COL4A6: variants seen among roughly 807,000 people sequenced by gnomAD.
COL4A6 encodes collagen type IV alpha 6 chain, also known as collagen alpha-6(IV) chain.
Under a neutral mutation model 126.7 loss-of-function variants are expected in COL4A6, and 59 were observed. The observed-to-expected ratio is 0.47, with a 90% CI of 0.38 to 0.58. COL4A6 has a LOEUF of 0.58. Ranked by LOEUF, COL4A6 falls within the 20% of genes least tolerant of loss-of-function variation. The pLI, the probability that COL4A6 is intolerant of heterozygous loss-of-function variation, is 0.00. For synonymous variants in COL4A6, 547 were observed against 496.6 expected (o/e 1.10, Z -1.35); for missense variants, 1,285 against 1,337.3 (o/e 0.96, Z 0.61).
At chrX:108,164,440 G>C (rs747345395) in intron 40 of COL4A6, among the ~76,000 whole-genome samples, 160 bp downstream of exon 40, 1 of 111,504 alleles carries the variant, frequency 9.0e-6, no homozygotes, top group South Asian at 3.9e-4. Context: ...GAGGCTGAAG[G>C]ATCCCCAAGG....
Position 108,163,021 on chromosome X carries a change from C to A in COL4A6, c.4087G>T (p.Gly1363Cys). 1 of 1,197,998 alleles carries A rather than the reference C, an allele frequency of 8.3e-7. No individual in the cohort carries two copies. Among genetic ancestry groups the A allele is most frequent in the African/African-American group, 1.8e-5 (1 of 56,871 alleles). ...AGPRGSSGLQ[G>C]DPGQTPTAEA... ...GCAGTTGGTGTTTGTCCAGGATCAC[C>A]TTGGAGGCCAGAAGAGCCTGTGGGC... Residue 1363 changes from glycine to cysteine, a missense_variant, in exon 41 of 45, where the codon GGT becomes TGT. Transcript: ENST00000334504.
intron 3 of COL4A6, among the ~76,000 whole-genome samples, chrX:108,302,720 C>A (rs886996902): frequency 2.7e-5 from 3 of 110,942 alleles, no homozygotes; most frequent in Non-Finnish European, 5.7e-5. Flanking sequence ...GGAGCCCCCA[C>A]TCTTCCCTCA....
rs1185808584 is a variant in COL4A6, at chrX:108,405,208, T to G, written c.63+32734A>C. 4.5e-5 allele frequency among the ~76,000 whole-genome samples: 5 copies of G among 110,359 alleles called. No homozygotes were observed. In the East Asian group the frequency reaches 1.1e-3, roughly 25 times the overall value. On this transcript the variant is annotated intron_variant, in intron 2 of 44. Transcript: ENST00000334504. ...TGTTTTGTTTTTGTTTTTGTTTTTTTTTTTCTTGAAGCGGAGTTCTCCCTC... is the reference window on the plus strand; with the variant it reads ...TGTTTTGTTTTTGTTTTTGTTTTTTGTTTTCTTGAAGCGGAGTTCTCCCTC...
At chrX:108,312,039 C>T (rs1328057161) in intron 2 of COL4A6, among the ~76,000 whole-genome samples, 1 of 112,145 alleles carries the variant, frequency 8.9e-6, no homozygotes, top group Admixed American at 9.4e-5. Context: ...ACCATATCCA[C>T]CTTGGGAAAA....
At chrX:108,407,303 C>T (rs1429118805) in intron 2 of COL4A6, among the ~76,000 whole-genome samples, 3 of 111,973 alleles carry the variant, frequency 2.7e-5, no homozygotes, top group Admixed American at 9.5e-5. Context: ...CCTGGAAGTT[C>T]CAACTGAGGA....
intron 23 of COL4A6, among the ~76,000 whole-genome samples, chrX:108,182,335 G>C (rs1393428053): frequency 3.6e-5 from 4 of 112,300 alleles, no homozygotes; most frequent in Non-Finnish European, 7.5e-5. Flanking sequence ...GTAAGAATGA[G>C]TACTCAGTAG....
intron 2 of COL4A6, among the ~76,000 whole-genome samples, chrX:108,328,373 C>T (rs780454153): frequency 3.4e-5 from 3 of 88,697 alleles, no homozygotes; most frequent in South Asian, 1.1e-3. Context: ...GGGGAAGAGG[C>T]GGTGGAAGGG....
At chrX:108,228,510 C>T (rs776011429) in intron 3 of COL4A6, among the ~76,000 whole-genome samples, 2 of 112,325 alleles carry the variant, frequency 1.8e-5, no homozygotes, top group East Asian at 5.6e-4. Flanking sequence ...AAGGCCATAT[C>T]ACAAAAAGTA....
At chrX:108,260,232 G>A (rs1243052801) in intron 3 of COL4A6, among the ~76,000 whole-genome samples, 1 of 111,178 alleles carries the variant, frequency 9.0e-6, no homozygotes, top group Non-Finnish European at 1.9e-5. Context: ...TCAACTCAAT[G>A]AGTTGCATAA....
chrX:108,319,798 G>A (rs1337377669), intron 2 of COL4A6, among the ~76,000 whole-genome samples: 1 of 112,069 alleles, frequency 8.9e-6, no homozygotes, highest in Non-Finnish European at 1.9e-5. Flanking sequence ...TAGCCAGAGA[G>A]GGACATGGGG....
At chrX:108,158,949 C>T (rs191978907) in intron 44 of COL4A6, among the ~76,000 whole-genome samples, 5 of 112,338 alleles carry the variant, frequency 4.5e-5, no homozygotes, top group East Asian at 2.8e-4. Flanking sequence ...GCCTTCACAC[C>T]GAAATGGAGA....
chrX:108,180,779 C>T, intron 24 of COL4A6, 118 bp downstream of exon 24: 3 of 868,540 alleles, frequency 3.5e-6, no homozygotes, highest in Non-Finnish European at 5.0e-6. Context: ...TCCTCAATCC[C>T]CAAGGCTGCC....
Position 108,190,484 on chromosome X carries a change from T to C in COL4A6, c.1334A>G (p.Glu445Gly). 1 of 1,189,495 alleles carries C rather than the reference T, an allele frequency of 8.4e-7. No individual in the cohort carries two copies. Residue 445 changes from glutamate to glycine, a missense_variant, in exon 20 of 45, where the codon GAG becomes GGG. Glu to Gly is a moderately conservative substitution (Grantham distance 98). Transcript: ENST00000334504. ...GPPGPPSPEF[E>G]TETLHNKESG... Reference sequence around the variant, plus strand: ...CTCTTTGTTGTGTAGAGTTTCAGTCTCAAATTCTGGACCTTTGGGTAAAAA... The same window carrying C: ...CTCTTTGTTGTGTAGAGTTTCAGTCCCAAATTCTGGACCTTTGGGTAAAAA...
chrX:108,365,115 A>C (rs1056186760), intron 2 of COL4A6, among the ~76,000 whole-genome samples: 2 of 111,667 alleles, frequency 1.8e-5, no homozygotes, highest in Non-Finnish European at 3.8e-5. Flanking sequence ...TTCCAAATTC[A>C]ACTCTAATTT....
At chrX:108,382,962 A>AAATAAT (rs4035941) in intron 2 of COL4A6, among the ~76,000 whole-genome samples, 23,329 of 88,046 alleles carry the variant, frequency 0.26, 2,769 homozygotes, top group Non-Finnish European at 0.28. Flanking sequence ...CCCCCGCCAA[A>AAATAAT]AATAATAATA....
intron 3 of COL4A6, among the ~76,000 whole-genome samples, chrX:108,285,249 A>G (rs907598865): frequency 9.0e-6 from 1 of 111,547 alleles, no homozygotes; most frequent in Non-Finnish European, 1.9e-5. Flanking sequence ...CTCTGAAGTC[A>G]CAATCTGGAG....
At chrX:108,223,124 A>T (rs1429567166) in intron 3 of COL4A6, among the ~76,000 whole-genome samples, 2 of 111,594 alleles carry the variant, frequency 1.8e-5, no homozygotes, top group Non-Finnish European at 3.8e-5. Context: ...GAAAACTAAC[A>T]CAGGAACAGA....
At chrX:108,258,752 C>T (rs2037075705) in intron 3 of COL4A6, among the ~76,000 whole-genome samples, 1 of 111,709 alleles carries the variant, frequency 9.0e-6, no homozygotes, top group Non-Finnish European at 1.9e-5. Flanking sequence ...TATTCCTCTC[C>T]TGAGTGTCCA....
At chrX:108,371,637 G>T (rs775116101) in intron 2 of COL4A6, among the ~76,000 whole-genome samples, 4 of 105,856 alleles carry the variant, frequency 3.8e-5, no homozygotes, top group Admixed American at 3.1e-4. Flanking sequence ...CATGCCTGTA[G>T]TTCCAGCTAC....
Sources: allele counts gnomAD v4.1 joint callset (sites outside exome capture counted in the v4.1 genomes callset), GRCh38; gene constraint gnomAD v4.1.1; transcripts MANE v1.5; gene names NCBI Gene and HGNC (gene_info 2026-07-23, HGNC 2026-07-21).